RFTN1: variants seen among roughly 807,000 people sequenced by gnomAD.
The protein encoded by RFTN1 is raftlin, lipid raft linker 1, also known as raftlin.
Under a neutral mutation model 46.5 loss-of-function variants are expected in RFTN1, and 26 were observed. The observed-to-expected ratio is 0.56, with a 90% CI of 0.41 to 0.78. The LOEUF is 0.78. Ranked by LOEUF, RFTN1 falls within the 30% of genes least tolerant of loss-of-function variation. RFTN1 has a pLI of 0.00. For missense variants in RFTN1, 693 were observed against 718.7 expected (o/e 0.96, Z 0.41); for synonymous variants, 261 against 284.2 (o/e 0.92, Z 0.82).
intron 6 of RFTN1, among the ~76,000 whole-genome samples, chr3:16,358,581 G>T: frequency 6.6e-6 from 1 of 152,086 alleles, no homozygotes. Flanking sequence ...GGTGGAATGT[G>T]GGGGAGAGGG....
rs760088127 is a variant in RFTN1, at chr3:16,499,255, G to A, written c.-8-5378C>T. ...CCTCCTATTGAGCCTATTGAGAGGT[G>A]AGGTCTATGTCAATTACCCTGAATC... On this transcript the variant is annotated intron_variant, in intron 1 of 9. Coordinates refer to ENST00000334133, the MANE Select transcript of RFTN1 (RefSeq NM_015150.2). This position sits in a 1 kb window ranked among gnomAD's most constrained non-coding sequence, Gnocchi z 4.9. 7.2e-5 allele frequency among the ~76,000 whole-genome samples: 11 copies of A among 152,212 alleles called. 1 individual carries two copies. Among genetic ancestry groups the A allele is most frequent in the Admixed American group, 5.2e-4 (8 of 15,284 alleles).
At position 16,452,330 on chromosome 3, in the gene RFTN1, G is replaced by A. The variant is rs1194002820; in HGVS notation, c.146-18293C>T. On this transcript the variant is annotated intron_variant, in intron 2 of 9. Transcript: ENST00000334133. The surrounding 1 kb of genome is among the most constrained non-coding windows in gnomAD (Gnocchi z 6.3). ...GGTAAGGATATAATAGAAGGCGAAG[G>A]GAAAAGTAATTTTAAAATGTGCGGG... Among the ~76,000 whole-genome samples the A allele has an allele frequency of 6.6e-6, 1 of 151,968 alleles. No homozygotes were observed. Among genetic ancestry groups the A allele is most frequent in the Non-Finnish European group, 1.5e-5 (1 of 67,986 alleles).
At chr3:16,349,587 A>C (rs969622250) in intron 7 of RFTN1, 3 of 152,404 alleles carry the variant, frequency 2.0e-5, no homozygotes, top group South Asian at 2.1e-4. Context: ...TGCTCAAAGC[A>C]AGAAGTTGCA....
At chr3:16,325,779 T>A (rs2069628088) in intron 8 of RFTN1, among the ~76,000 whole-genome samples, 1 of 152,178 alleles carries the variant, frequency 6.6e-6, no homozygotes, top group Admixed American at 6.5e-5. Flanking sequence ...GAGGAGGGAC[T>A]AGGAAAGACA....
chr3:16,506,310 A>G lies in RFTN1; in HGVS notation c.-9+7132T>C, dbSNP rs1267264746. ...GGGAGGCTGAGCAGACCTCAGGGTG[A>G]AGTCAAACAGGGCTGGGGAGACAGA... On this transcript the variant is annotated intron_variant, in intron 1 of 9. Coordinates refer to ENST00000334133, the MANE Select transcript of RFTN1 (RefSeq NM_015150.2). The surrounding 1 kb of genome is among the most constrained non-coding windows in gnomAD (Gnocchi z 4.8). Among the ~76,000 whole-genome samples, 1 of 152,110 alleles carries G rather than the reference A, an allele frequency of 6.6e-6. No individual in the cohort carries two copies. The highest frequency in any genetic ancestry group is 1.5e-5 in the Non-Finnish European group (1 of 68,014).
At position 16,512,902 on chromosome 3, in the gene RFTN1, C is replaced by T. The variant is rs1693725990; in HGVS notation, c.-9+540G>A. The T allele has an allele frequency of 1.3e-5, 2 of 152,264 alleles. No individual in the cohort carries two copies. Among genetic ancestry groups the T allele is most frequent in the South Asian group, 4.1e-4 (2 of 4,830 alleles). 9.4% of individuals were successfully genotyped at this position (152,264 alleles called of 1,614,324 possible). ...ATGTCTGCTCCTACACGTCCAGCAC[C>T]TCTGTCCCCAGAGCAAACCCACCTC... On this transcript the variant is annotated intron_variant, in intron 1 of 9. Transcript: ENST00000334133. The surrounding 1 kb of genome is among the most constrained non-coding windows in gnomAD (Gnocchi z 4.3).
rs1208568247 is a variant in RFTN1, at chr3:16,404,328, A to G, written c.441+5047T>C. On this transcript the variant is annotated intron_variant, in intron 4 of 9. Transcript: ENST00000334133. ...GTAATATATATTATATATAATATAT[A>G]ATATATAATATATATAATATATAAT... is the stretch of plus-strand genomic sequence containing the variant. 1.2e-3 allele frequency among the ~76,000 whole-genome samples: 40 copies of G among 32,634 alleles called. 5 individuals carry two copies. The highest frequency in any genetic ancestry group is 1.9e-3 in the Non-Finnish European group (36 of 19,154). The allele number at this position is 32,634 out of a possible 152,430, so 21.4% of individuals were successfully genotyped here.
intron 1 of RFTN1, among the ~76,000 whole-genome samples, chr3:16,503,581 T>A (rs2076749770): frequency 6.6e-6 from 1 of 152,138 alleles, no homozygotes; most frequent in Admixed American, 6.5e-5. Flanking sequence ...TCCAATCTCC[T>A]AATAGCCAGG....
chr3:16,365,511 T>A (rs2073104945), intron 6 of RFTN1, among the ~76,000 whole-genome samples: 1 of 152,156 alleles, frequency 6.6e-6, no homozygotes, highest in Non-Finnish European at 1.5e-5. Flanking sequence ...TATATGATCA[T>A]GGAGGATATG....
intron 4 of RFTN1, among the ~76,000 whole-genome samples, chr3:16,404,245 TATATATA>T (rs1318451688): frequency 0.032 from 324 of 9,980 alleles, 75 homozygotes; most frequent in Non-Finnish European, 0.043. Flanking sequence ...ATATATATTT[TATATATA>T]ATATATAATA....
rs1217677784 is a variant in RFTN1 at position 16,403,858 on chromosome 3, ATATAT to A, written c.441+5512_441+5516del. On this transcript the variant is annotated intron_variant, in intron 4 of 9. Transcript: ENST00000334133. Reference sequence around the variant, plus strand: ...AAATATAATATAATATATATTTTATATATATTATATTATATTTATATATATATATA... The same window carrying A: ...AAATATAATATAATATATATTTTATATATATTATATTTATATATATATATA... Among the ~76,000 whole-genome samples, 11 of 2,504 alleles carry A rather than the reference ATATAT, an allele frequency of 4.4e-3. 2 individuals carry two copies. Among genetic ancestry groups the A allele is most frequent in the Admixed American group, 0.02 (2 of 100 alleles). The allele number at this position is 2,504 out of a possible 152,430, so 1.6% of individuals were successfully genotyped here.
At chr3:16,456,489 G>A (rs1176469243) in intron 2 of RFTN1, among the ~76,000 whole-genome samples, 1 of 152,124 alleles carries the variant, frequency 6.6e-6, no homozygotes, top group African/African-American at 2.4e-5. Flanking sequence ...CACATTGGAA[G>A]GTGATTGTAA....
In RFTN1 at chr3:16,437,521, G is replaced by A. The variant is rs1008044383; in HGVS notation, c.146-3484C>T. On this transcript the variant is annotated intron_variant, in intron 2 of 9. Transcript: ENST00000334133. ...AAAAAAATACAAAAATTAACTGAGT[G>A]TGGTGGCATGTGCCTGTAGTGCCAG... Among the ~76,000 whole-genome samples, 19 of 152,080 alleles carry A rather than the reference G, an allele frequency of 1.2e-4. 1 individual carries two copies. Among genetic ancestry groups the A allele is most frequent in the Admixed American group, 9.8e-4 (15 of 15,266 alleles).
rs2072454053 is a variant in RFTN1 at position 16,356,629 on chromosome 3, T to TGC, written c.1146+1301_1146+1302dup. Among the ~76,000 whole-genome samples, 1 of 152,248 alleles carries TGC rather than the reference T, an allele frequency of 6.6e-6. No homozygotes were observed. The highest frequency in any genetic ancestry group is 2.4e-5 in the African/African-American group (1 of 41,464). On this transcript the variant is annotated intron_variant, in intron 7 of 9. Transcript: ENST00000334133. The surrounding 1 kb of genome is among the most constrained non-coding windows in gnomAD (Gnocchi z 4.9). ...CCACTTCAATAACCAGGCAAGGGACTGCCTCAAGGCTGCAGTTCTGGCAGG... is the reference window on the plus strand; with the variant it reads ...CCACTTCAATAACCAGGCAAGGGACTGCGCCTCAAGGCTGCAGTTCTGGCAGG...
intron 4 of RFTN1, among the ~76,000 whole-genome samples, chr3:16,398,009 G>A (rs1208717673): frequency 6.6e-6 from 1 of 152,116 alleles, no homozygotes; most frequent in Non-Finnish European, 1.5e-5. Flanking sequence ...CACTTTGGGA[G>A]GCTGAGGCAG....
chr3:16,351,774 C>G lies in RFTN1; in HGVS notation c.1146+6158G>C, dbSNP rs2072120874. 6.6e-6 allele frequency among the ~76,000 whole-genome samples: 1 copy of G among 152,108 alleles called. No individual in the cohort carries two copies. The stretch of plus-strand genomic sequence containing the variant: ...ATAAGTGCAAAAACAAGTTGTTTCT[C>G]AAAAAACTAAGTTGAATTCCTTGAA... On this transcript the variant is annotated intron_variant, in intron 7 of 9. Coordinates refer to ENST00000334133, the MANE Select transcript of RFTN1 (RefSeq NM_015150.2). The surrounding 1 kb of genome is among the most constrained non-coding windows in gnomAD (Gnocchi z 5.4).
Position 16,447,973 on chromosome 3 carries a change from T to G in RFTN1, c.146-13936A>C, listed in dbSNP as rs1419080354. ...ATTATTTCTTCCCTCTCTTCCTCTC[T>G]CCTTCTTTTCTCTCTTTTTTCTTTT... On this transcript the variant is annotated intron_variant, in intron 2 of 9. Transcript: ENST00000334133. The surrounding 1 kb of genome is among the most constrained non-coding windows in gnomAD (Gnocchi z 5.9). Among the ~76,000 whole-genome samples the G allele has an allele frequency of 1.3e-5, 2 of 152,148 alleles. No homozygotes were observed. Among genetic ancestry groups the G allele is most frequent in the Non-Finnish European group, 2.9e-5 (2 of 68,028 alleles).
chr3:16,462,340 C>G (rs1306891965), intron 2 of RFTN1, among the ~76,000 whole-genome samples: 1 of 152,196 alleles, frequency 6.6e-6, no homozygotes, highest in Non-Finnish European at 1.5e-5. Flanking sequence ...AATAGGTTCC[C>G]CCAAAGGATG....
In RFTN1 at chr3:16,317,494, T is replaced by G. The variant is rs1239814193; in HGVS notation, c.1333-262A>C. ...TGTTGGGGCAGAGCAGTATTTCTTT[T>G]GACTGGCTCTATACCAAAGGCCCAC... On this transcript the variant is annotated intron_variant, in intron 9 of 9. Coordinates refer to ENST00000334133, the MANE Select transcript of RFTN1 (RefSeq NM_015150.2). This position sits in a 1 kb window ranked among gnomAD's most constrained non-coding sequence, Gnocchi z 4.3. 6.6e-6 allele frequency among the ~76,000 whole-genome samples: 1 copy of G among 152,172 alleles called. No homozygotes were observed. The highest frequency in any genetic ancestry group is 1.5e-5 in the Non-Finnish European group (1 of 68,026).
Sources: allele counts gnomAD v4.1 joint callset (sites outside exome capture counted in the v4.1 genomes callset), GRCh38; gene constraint gnomAD v4.1.1; non-coding constraint Gnocchi (gnomAD v3.1); transcripts MANE v1.5; gene names NCBI Gene and HGNC (gene_info 2026-07-23, HGNC 2026-07-21).